The following ACOX3 variants were observed in gnomAD, a reference collection of about 807,000 sequenced individuals.
The protein encoded by ACOX3 is peroxisomal acyl-coenzyme A oxidase 3.
In ACOX3, 73 loss-of-function variants were observed where a neutral mutation model predicts 81.5. The observed-to-expected ratio is 0.90, with a 90% confidence interval of 0.74 to 1.09. The LOEUF (loss-of-function observed/expected upper bound fraction) is 1.09. Ranked by LOEUF, ACOX3 falls within the 50% of genes least tolerant of loss-of-function variation. The pLI, the probability that ACOX3 is intolerant of heterozygous loss-of-function variation, is 0.00. For missense variants in ACOX3, 947 were observed against 928.0 expected, an observed-to-expected ratio of 1.02 and a Z score of -0.27; for synonymous variants, 387 against 375.1, an observed-to-expected ratio of 1.03 and a Z score of -0.37.
chr4:8,416,260 G>A lies in ACOX3; in HGVS notation c.144+118C>T. 6.4e-7 allele frequency: 1 copy of A among 1,558,736 alleles called. No individual in the cohort carries two copies. Among genetic ancestry groups the A allele is most frequent in the Non-Finnish European group, 8.8e-7 (1 of 1,135,630 alleles). On this transcript the variant is annotated intron_variant, in intron 2 of 17. Transcript: ENST00000356406. The surrounding 1 kb of genome is among the most constrained non-coding windows in gnomAD (Gnocchi z 4.2). ...GTGCAGAGAGGAGAGAGGCCGCGCT[G>A]CCTGGGATGAGCCTCGCCCGGCAGA...
At chr4:8,395,884 C>T (rs1378756303) in intron 9 of ACOX3, among the ~76,000 whole-genome samples, 2 of 152,244 alleles carry the variant, frequency 1.3e-5, no homozygotes, top group Non-Finnish European at 2.9e-5. Context: ...CCCAAATCTA[C>T]CTTTATTCAT....
At position 8,370,362 on chromosome 4, in the gene ACOX3, C is replaced by T. The variant is rs1351626847; in HGVS notation, c.1983+546G>A. ...CTCCCTCAGGGGGGCGGCCTGACCC[C>T]ATCTGCTATGAAGGAATCATTATGG... On this transcript the variant is annotated intron_variant, in intron 17 of 17. Transcript: ENST00000356406. The surrounding 1 kb of genome is among the most constrained non-coding windows in gnomAD (Gnocchi z 6.3). Among the ~76,000 whole-genome samples, 3 of 151,920 alleles carry T rather than the reference C, an allele frequency of 2.0e-5. No homozygotes were observed. The highest frequency in any genetic ancestry group is 4.4e-5 in the Non-Finnish European group (3 of 67,972).
At position 8,384,151 on chromosome 4, in the gene ACOX3, G is replaced by A. The variant is rs895110527; in HGVS notation, c.1538-2544C>T. 1.3e-5 allele frequency among the ~76,000 whole-genome samples: 2 copies of A among 152,182 alleles called. No individual in the cohort carries two copies. The highest frequency in any genetic ancestry group is 6.5e-5 in the Admixed American group (1 of 15,290). On this transcript the variant is annotated intron_variant, in intron 13 of 17. Coordinates refer to ENST00000356406, the MANE Select transcript of ACOX3 (RefSeq NM_003501.3). The surrounding 1 kb of genome is among the most constrained non-coding windows in gnomAD (Gnocchi z 5.3). ...GAATTAATCCATGAGGCTTCACGTC[G>A]ATGGCCAGTTAGACTGTGCTGTGGG...
In ACOX3 at chr4:8,386,964, C is replaced by T. The variant is rs377132442; in HGVS notation, c.1537+2209G>A. On this transcript the variant is annotated intron_variant, in intron 13 of 17. Coordinates refer to ENST00000356406, the MANE Select transcript of ACOX3 (RefSeq NM_003501.3). The surrounding 1 kb of genome is among the most constrained non-coding windows in gnomAD (Gnocchi z 5.2). ...AACGCGTCCTCCATGTGTGCCTGTC[C>T]CCTGCATGAGGGAGGCCAGTGCTCC... Among the ~76,000 whole-genome samples the T allele has an allele frequency of 1.1e-4, 16 of 152,368 alleles. No homozygotes were observed. The East Asian group carries it at 2.9e-3, about 28-fold the overall frequency.
intron 14 of ACOX3, among the ~76,000 whole-genome samples, chr4:8,378,598 G>A (rs533660773): frequency 5.9e-4 from 90 of 151,956 alleles, no homozygotes; most frequent in Admixed American, 1.9e-3. Context: ...CAGGCTGCGG[G>A]GACGCCATCG....
downstream of ACOX3, among the ~76,000 whole-genome samples, chr4:8,364,917 G>A (rs1260999357): frequency 2.0e-5 from 3 of 152,230 alleles, no homozygotes; most frequent in Admixed American, 2.0e-4. This position sits in a 1 kb window ranked among gnomAD's most constrained non-coding sequence, Gnocchi z 5.0. Flanking sequence ...AGGCAGGAGT[G>A]ACCGTGACTC....
At position 8,415,761 on chromosome 4, in the gene ACOX3, C is replaced by A. The variant is rs199903762; in HGVS notation, c.378+5G>T. ...GTTTCCCTCTCCCCTAGGCCGCATGCTCACCAAGCTATGGAGGAGGTACTT... is the reference window on the plus strand; with the variant it reads ...GTTTCCCTCTCCCCTAGGCCGCATGATCACCAAGCTATGGAGGAGGTACTT... On this transcript the variant is annotated splice_donor_5th_base_variant and intron_variant, in intron 3 of 17. Transcript: ENST00000356406. The A allele has an allele frequency of 1.7e-5, 27 of 1,613,298 alleles. No individual in the cohort carries two copies. The Admixed American group carries it at 4.0e-4, about 24-fold the overall frequency.
chr4:8,357,272 G>C, the ACOX3 span: 1 of 456,698 alleles, frequency 2.2e-6, no homozygotes, highest in South Asian at 1.5e-5. Context: ...AGGAGACGGG[G>C]GCCCTCGAGG....
rs1715465631 is a variant in ACOX3, at chr4:8,366,544, C to G, written c.*417G>C. 6.1e-6 allele frequency: 1 copy of G among 163,856 alleles called. No homozygotes were observed. Among genetic ancestry groups the G allele is most frequent in the Non-Finnish European group, 1.3e-5 (1 of 74,940 alleles). The allele number at this position is 163,856 out of a possible 1,614,324, so 10.2% of individuals were successfully genotyped here. On this transcript the variant is annotated 3_prime_UTR_variant, in exon 18 of 18. Coordinates refer to ENST00000356406, the MANE Select transcript of ACOX3 (RefSeq NM_003501.3). ...GAGGGAGAGTTGACAAAGAACCAGACTGGCATCATTGACTTCTCAATGAAG... is the reference window on the plus strand; with the variant it reads ...GAGGGAGAGTTGACAAAGAACCAGAGTGGCATCATTGACTTCTCAATGAAG...
chr4:8,377,761 G>T (rs1363364439), intron 14 of ACOX3, among the ~76,000 whole-genome samples: 4 of 152,206 alleles, frequency 2.6e-5, no homozygotes, highest in African/African-American at 9.7e-5. Context: ...AACCAAGGTG[G>T]GCTGGGGCCC....
chr4:8,402,706 G>A (rs1720502201), intron 7 of ACOX3, among the ~76,000 whole-genome samples: 1 of 152,220 alleles, frequency 6.6e-6, no homozygotes, highest in Admixed American at 6.5e-5. Context: ...GTCTCCAGCG[G>A]GAGACGTGTG....
At position 8,399,689 on chromosome 4, in the gene ACOX3, T is replaced by C; in HGVS notation, c.777-37A>G. 6.4e-7 allele frequency: 1 copy of C among 1,572,580 alleles called. No homozygotes were observed. Among genetic ancestry groups the C allele is most frequent in the South Asian group, 1.1e-5 (1 of 90,184 alleles). On this transcript the variant is annotated intron_variant, in intron 7 of 17. Coordinates refer to ENST00000356406, the MANE Select transcript of ACOX3 (RefSeq NM_003501.3). The surrounding 1 kb of genome is among the most constrained non-coding windows in gnomAD (Gnocchi z 4.9). ...CAGCAGGGCTTCTGTTAAACAGGGG[T>C]CCTGCCCTGAGGCTCTTCTCTTCTC...
Position 8,440,650 on chromosome 4 carries a change from A to G in ACOX3, c.-17T>C. On this transcript the variant is annotated splice_region_variant and 5_prime_UTR_variant, in exon 1 of 18. Coordinates refer to ENST00000356406, the MANE Select transcript of ACOX3 (RefSeq NM_003501.3). ...AAAACACAGGTCAAATTCCTCACCC[A>G]CACACTCCACAGTTCAACCCCTGCC... The G allele has an allele frequency of 1.3e-6, 1 of 741,574 alleles. No homozygotes were observed. The highest frequency in any genetic ancestry group is 2.5e-5 in the South Asian group (1 of 39,840). 45.9% of individuals were successfully genotyped at this position (741,574 alleles called of 1,614,324 possible). A position where few individuals can be genotyped will look rare whatever the true frequency, so the allele number is the denominator to read the frequency against.
intron 11 of ACOX3, among the ~76,000 whole-genome samples, chr4:8,390,071 C>A (rs1001419625): frequency 1.4e-5 from 2 of 142,002 alleles, no homozygotes; most frequent in South Asian, 4.4e-4. Flanking sequence ...CAACTGCACT[C>A]CAGCCCGGGT....
At chr4:8,378,259 G>A (rs758469854) in intron 14 of ACOX3, among the ~76,000 whole-genome samples, 2 of 152,236 alleles carry the variant, frequency 1.3e-5, no homozygotes, top group Admixed American at 1.3e-4. Context: ...CTCTGTGACA[G>A]CTGGCCCGGG....
chr4:8,389,192 G>A lies in ACOX3; in HGVS notation c.1518C>T (p.Ala506=), dbSNP rs1023703877. Residue 506 remains alanine (A), a synonymous_variant, in exon 13 of 18, where the codon GCC becomes GCT. Coordinates refer to ENST00000356406, the MANE Select transcript of ACOX3 (RefSeq NM_003501.3). This position sits in a 1 kb window ranked among gnomAD's most constrained non-coding sequence, Gnocchi z 5.3. ...GTTTACCTGCAGAGTCCAAGCAGTC[G>A]GCAACACTGGAGACCTCAAACTTCT... ...LDQKFEVSSV[A]DCLDSAVALA... is the part of the protein sequence containing the mutation. The A allele has an allele frequency of 3.1e-6, 5 of 1,613,786 alleles. No homozygotes were observed. The highest frequency in any genetic ancestry group is 1.7e-5 in the Admixed American group (1 of 59,994).
chr4:8,373,043 G>T (rs1716426621), intron 16 of ACOX3, among the ~76,000 whole-genome samples: 1 of 152,172 alleles, frequency 6.6e-6, no homozygotes. Flanking sequence ...TGTGGGGTTG[G>T]GGCCCTCTGA....
downstream of ACOX3, among the ~76,000 whole-genome samples, chr4:8,365,374 C>T (rs544381958): frequency 1.6e-4 from 25 of 152,352 alleles, no homozygotes; most frequent in South Asian, 5.0e-3. Context: ...TGTTTAAACC[C>T]AAGGAAGCTT....
rs1157235905 is a variant in ACOX3, at chr4:8,366,818, A to C, written c.*143T>G. On this transcript the variant is annotated 3_prime_UTR_variant, in exon 18 of 18. Transcript: ENST00000356406. ...TCCCTCCCGTCCGCCTGGGCAGTTG[A>C]GGCCAATCAGCAGTTTAGGCGCACA... 5.8e-6 allele frequency: 7 copies of C among 1,216,406 alleles called. No homozygotes were observed. The highest frequency in any genetic ancestry group is 8.0e-6 in the Non-Finnish European group (7 of 877,740). The allele number at this position is 1,216,406 out of a possible 1,614,324, so 75.4% of individuals were successfully genotyped here.
Sources: gnomAD v4.1 joint callset for allele counts (sites outside exome capture counted in the v4.1 genomes callset) on GRCh38, gnomAD v4.1.1 for gene constraint, Gnocchi (gnomAD v3.1) non-coding constraint, MANE v1.5 for transcripts, NCBI Gene and HGNC (gene_info 2026-07-23, HGNC 2026-07-21) for gene names.